Variants in NT5DC3 observed in about 807,000 individuals in gnomAD.
NT5DC3 encodes 5'-nucleotidase domain-containing protein 3.
NT5DC3 carries 42 observed loss-of-function variants against 67.8 expected under a neutral mutation model. The observed-to-expected ratio is 0.62, with a 90% CI of 0.48 to 0.80. The LOEUF (loss-of-function observed/expected upper bound fraction) is 0.80, where lower values mean the gene tolerates loss of function less well. Ranked by LOEUF, NT5DC3 falls within the 30% of genes least tolerant of loss-of-function variation. The probability of loss-of-function intolerance (pLI) is 0.00; values close to 1 mark genes in which losing one functional copy is unlikely to be tolerated. For missense variants in NT5DC3, 570 were observed against 696.4 expected (o/e 0.82, Z 2.04); for synonymous variants, 237 against 255.6 (o/e 0.93, Z 0.69).
At chr12:103,781,469 G>A (rs913444694) in intron 12 of NT5DC3, among the ~76,000 whole-genome samples, 1 of 152,188 alleles carries the variant, frequency 6.6e-6, no homozygotes, top group African/African-American at 2.4e-5. Flanking sequence ...TACCTCCCAC[G>A]AAGCACCCAG....
chr12:103,770,127 T>A (rs568720845), downstream of NT5DC3, among the ~76,000 whole-genome samples: 10 of 152,346 alleles, frequency 6.6e-5, no homozygotes, highest in African/African-American at 2.2e-4. Context: ...CGATTTTTTT[T>A]AATCAGTGTA....
intron 5 of NT5DC3, among the ~76,000 whole-genome samples, chr12:103,798,261 T>C (rs761590832): frequency 6.6e-6 from 1 of 152,156 alleles, no homozygotes; most frequent in Non-Finnish European, 1.5e-5. Context: ...TCACAGCCAT[T>C]CGTCAGGGGA....
downstream of NT5DC3, chr12:103,766,258 T>A: frequency 6.2e-7 from 1 of 1,613,932 alleles, no homozygotes; most frequent in Non-Finnish European, 8.5e-7. Flanking sequence ...CAGAATGCCC[T>A]GCCCCCTTAC....
chr12:103,755,288 C>G, the NT5DC3 span: 3 of 1,612,934 alleles, frequency 1.9e-6, no homozygotes, highest in Non-Finnish European at 2.5e-6. Flanking sequence ...ATGGCCCTGT[C>G]TGTATCCCTG....
chr12:103,806,482 T>A, intron 3 of NT5DC3, 105 bp from the exon 4 acceptor site: 1 of 797,900 alleles, frequency 1.3e-6, no homozygotes, highest in Non-Finnish European at 2.2e-6. Flanking sequence ...TAGGCTGCCC[T>A]AACAAGGAAG....
At chr12:103,760,008 A>G in the NT5DC3 span, among the ~76,000 whole-genome samples, 1 of 152,214 alleles carries the variant, frequency 6.6e-6, no homozygotes. Context: ...ATGACTAAGA[A>G]ATAGATGGTG....
In NT5DC3 at chr12:103,797,039, C is replaced by A; in HGVS notation, c.616-8G>T. The stretch of plus-strand genomic sequence containing the variant: ...CGTGTTTCCATGAGAGCTCTGCAGA[C>A]AGGGTGGAAGGAATGCTTTAGAAAC... On this transcript the variant is annotated splice_region_variant and splice_polypyrimidine_tract_variant and intron_variant, in intron 5 of 13. Transcript: ENST00000392876. The A allele has an allele frequency of 6.2e-7, 1 of 1,613,934 alleles. No homozygotes were observed. Among genetic ancestry groups the A allele is most frequent in the East Asian group, 2.2e-5 (1 of 44,880 alleles).
At chr12:103,839,057 T>C (rs1888269614) in intron 1 of NT5DC3, among the ~76,000 whole-genome samples, 1 of 152,208 alleles carries the variant, frequency 6.6e-6, no homozygotes, top group African/African-American at 2.4e-5. Context: ...TACATGAACC[T>C]ACATGTGAGA....
chr12:103,751,071 A>G, the NT5DC3 span, among the ~76,000 whole-genome samples: 1 of 152,250 alleles, frequency 6.6e-6, no homozygotes, highest in East Asian at 1.9e-4. Context: ...GAAGCCAGAA[A>G]GGACCCACAA....
At chr12:103,813,647 C>G (rs1347109484) in intron 2 of NT5DC3, among the ~76,000 whole-genome samples, 1 of 152,216 alleles carries the variant, frequency 6.6e-6, no homozygotes, top group Non-Finnish European at 1.5e-5. Context: ...TTCTATTCCA[C>G]TCTAGCCAGA....
At chr12:103,813,618 C>A (rs986312291) in intron 2 of NT5DC3, among the ~76,000 whole-genome samples, 14 of 152,158 alleles carry the variant, frequency 9.2e-5, no homozygotes, top group Non-Finnish European at 1.8e-4. Context: ...CATCCAGAAC[C>A]AGGGAGGTGA....
At chr12:103,753,169 A>G in the NT5DC3 span, 2 of 1,603,670 alleles carry the variant, frequency 1.2e-6, no homozygotes, top group Non-Finnish European at 1.7e-6. Context: ...TGTTGGAAAC[A>G]CTGCCAACCT....
Position 103,777,901 on chromosome 12 carries a change from G to A in NT5DC3, c.1575C>T (p.His525=), listed in dbSNP as rs140672372. The change falls in exon 14 of 14, where the codon CAC becomes CAT. Residue 525 remains histidine (H), a synonymous_variant. Transcript: ENST00000392876. ...GCCTTTCTGACCAGGCGGGCAGTTC[G>A]TGCTGCAGTGGAGTCCTCCGGGGGT... ...TFYPRRTPLQ[H]ELPAWSERPP... is the part of the protein sequence containing the mutation. 47 of 1,614,066 alleles carry A rather than the reference G, an allele frequency of 2.9e-5. No homozygotes were observed. Among genetic ancestry groups the A allele is most frequent in the African/African-American group, 1.5e-4 (11 of 74,924 alleles).
intron 9 of NT5DC3, among the ~76,000 whole-genome samples, chr12:103,792,395 C>G (rs920904852): frequency 6.6e-6 from 1 of 152,186 alleles, no homozygotes; most frequent in Non-Finnish European, 1.5e-5. Context: ...CAGAGAGGAA[C>G]AGACTACCTG....
chr12:103,840,938 G>T lies in NT5DC3; in HGVS notation c.208+11C>A. On this transcript the variant is annotated intron_variant, in intron 1 of 13. Transcript: ENST00000392876. ...CCCCAGGCGCCGGGGCGGGGTCGCCGCCTCACTCACCTTCTGTGCTTCTCT... is the reference window on the plus strand; with the variant it reads ...CCCCAGGCGCCGGGGCGGGGTCGCCTCCTCACTCACCTTCTGTGCTTCTCT... 7.4e-7 allele frequency: 1 copy of T among 1,349,742 alleles called. No individual in the cohort carries two copies. 83.6% of individuals were successfully genotyped at this position (1,349,742 alleles called of 1,614,324 possible). A position where few individuals can be genotyped will look rare whatever the true frequency, so the allele number is the denominator to read the frequency against.
At chr12:103,770,839 G>GT (rs777110632), downstream of NT5DC3, 4 of 152,186 alleles carry the variant, frequency 2.6e-5, no homozygotes, top group Non-Finnish European at 5.9e-5. Context: ...TAGGAGGGTG[G>GT]TAAGTGAGCC....
chr12:103,752,178 T>A, the NT5DC3 span, among the ~76,000 whole-genome samples: 3 of 152,066 alleles, frequency 2.0e-5, no homozygotes, highest in Admixed American at 6.5e-5. Context: ...TCACAGAAAA[T>A]TAGAAATAAC....
downstream of NT5DC3, among the ~76,000 whole-genome samples, chr12:103,768,372 T>C (rs1885077401): frequency 6.7e-6 from 1 of 149,294 alleles, no homozygotes; most frequent in African/African-American, 2.5e-5. Flanking sequence ...GAGGCGGAGG[T>C]TGCAGTGAGC....
chr12:103,800,495 C>T (rs1325888128), intron 4 of NT5DC3, among the ~76,000 whole-genome samples: 3 of 152,238 alleles, frequency 2.0e-5, no homozygotes, highest in Admixed American at 6.5e-5. Context: ...AGAGTTATTT[C>T]CCTGCCCTTT....
Sources: gnomAD v4.1 joint callset for allele counts (sites outside exome capture counted in the v4.1 genomes callset) on GRCh38, gnomAD v4.1.1 for gene constraint, MANE v1.5 for transcripts, NCBI Gene and HGNC (gene_info 2026-07-23, HGNC 2026-07-21) for gene names.